The following PRKG1 variants were observed in gnomAD, a reference collection of about 807,000 sequenced individuals.
PRKG1 encodes the protein cGMP-dependent protein kinase 1.
PRKG1 carries 35 observed loss-of-function variants against 88.1 expected under a neutral mutation model. That is an observed-to-expected ratio of 0.40 (90% CI 0.30 to 0.53). PRKG1 has a LOEUF of 0.53. PRKG1 is among the 20% of genes least tolerant of loss of function. The probability of loss-of-function intolerance (pLI) is 0.59; values close to 1 mark genes in which losing one functional copy is unlikely to be tolerated. For missense variants in PRKG1, 540 were observed against 839.8 expected, an observed-to-expected ratio of 0.64 and a Z score of 4.41; for synonymous variants, 303 against 292.5, an observed-to-expected ratio of 1.04 and a Z score of -0.37.
At chr10:51,812,089 TA>T (rs1482994806) in intron 4 of PRKG1, among the ~76,000 whole-genome samples, 1 of 152,230 alleles carries the variant, frequency 6.6e-6, no homozygotes, top group African/African-American at 2.4e-5. Context: ...CTGTGAATTT[TA>T]AATCATTATA....
At chr10:51,043,566 C>T (rs543469114) in intron 1 of PRKG1, among the ~76,000 whole-genome samples, 3 of 152,202 alleles carry the variant, frequency 2.0e-5, no homozygotes, top group Non-Finnish European at 4.4e-5. Context: ...GGTCTGTCTC[C>T]TCATCAGACT....
intron 5 of PRKG1, among the ~76,000 whole-genome samples, chr10:51,934,232 G>T (rs1842755080): frequency 6.7e-6 from 1 of 149,996 alleles, no homozygotes; most frequent in African/African-American, 2.5e-5. Flanking sequence ...GTGTAGGGTT[G>T]TGTGCATGAT....
chr10:51,560,728 TA>T (rs1315047816), intron 3 of PRKG1, among the ~76,000 whole-genome samples: 1 of 152,032 alleles, frequency 6.6e-6, no homozygotes, highest in African/African-American at 2.4e-5. Context: ...TTCTCAGGTT[TA>T]AAATAAAGAC....
At chr10:51,016,673 C>CTTCTTTCTTTTTTTTTTTTTTT (rs1564571435) in intron 1 of PRKG1, among the ~76,000 whole-genome samples, 6 of 35,184 alleles carry the variant, frequency 1.7e-4, no homozygotes, top group African/African-American at 4.2e-4. Context: ...ATTATCCTTT[C>CTTCTTTCTTTTTTTTTTTTTTT]TTTTTTTTTT....
chr10:51,106,451 G>T (rs1844833574), intron 1 of PRKG1, among the ~76,000 whole-genome samples: 1 of 152,142 alleles, frequency 6.6e-6, no homozygotes, highest in Non-Finnish European at 1.5e-5. Flanking sequence ...GAAATTCCAA[G>T]AAACTCCCTA....
chr10:51,946,832 G>A (rs1843048989), intron 5 of PRKG1, among the ~76,000 whole-genome samples: 1 of 152,006 alleles, frequency 6.6e-6, no homozygotes, highest in Admixed American at 6.5e-5. Context: ...TTTTGTCTCA[G>A]AGGAGTACCC....
At chr10:51,620,702 T>G (rs1428527855) in intron 3 of PRKG1, among the ~76,000 whole-genome samples, 3 of 152,082 alleles carry the variant, frequency 2.0e-5, no homozygotes, top group Non-Finnish European at 2.9e-5. Flanking sequence ...AGCTAAGTTA[T>G]GTACAAGTCA....
intron 3 of PRKG1, among the ~76,000 whole-genome samples, chr10:51,590,997 T>C (rs1476982925): frequency 1.3e-5 from 2 of 152,212 alleles, no homozygotes; most frequent in African/African-American, 4.8e-5. Context: ...GGGAGTGTAC[T>C]GGACATTGAT....
rs555665207 is a variant in PRKG1, at chr10:51,992,753, G to A, written c.763-61731G>A. Among the ~76,000 whole-genome samples, 8 of 152,314 alleles carry A rather than the reference G, an allele frequency of 5.3e-5. No homozygotes were observed. The East Asian group carries it at 1.4e-3, about 26-fold the overall frequency. On this transcript the variant is annotated intron_variant, in intron 5 of 17. Coordinates refer to ENST00000373980, the MANE Select transcript of PRKG1 (RefSeq NM_006258.4). Reference sequence around the variant, plus strand: ...TGTGTATGTCTGCATATGTGTGCATGCAAATATATGCATATGTTATTTCTT... The same window carrying A: ...TGTGTATGTCTGCATATGTGTGCATACAAATATATGCATATGTTATTTCTT...
intron 5 of PRKG1, among the ~76,000 whole-genome samples, chr10:51,978,072 A>G (rs531690485): frequency 6.6e-6 from 1 of 152,138 alleles, no homozygotes; most frequent in Admixed American, 6.5e-5. Flanking sequence ...GGTATTGCCT[A>G]TGTCGTCTTC....
intron 5 of PRKG1, among the ~76,000 whole-genome samples, chr10:51,915,110 C>G (rs1842309447): frequency 6.6e-6 from 1 of 152,254 alleles, no homozygotes; most frequent in Admixed American, 6.5e-5. Flanking sequence ...TGCAGCTGTT[C>G]CTCAGTTTTA....
chr10:51,788,674 C>T (rs553127193), intron 3 of PRKG1, among the ~76,000 whole-genome samples: 18 of 152,226 alleles, frequency 1.2e-4, no homozygotes, highest in African/African-American at 4.3e-4. Context: ...TAGATAGAAA[C>T]ATTGTTTTCA....
At chr10:51,615,060 C>T (rs1325512417) in intron 3 of PRKG1, among the ~76,000 whole-genome samples, 2 of 90,712 alleles carry the variant, frequency 2.2e-5, no homozygotes, top group Admixed American at 2.4e-4. Context: ...TGAATATATC[C>T]ATCTTTGAAT....
intron 4 of PRKG1, among the ~76,000 whole-genome samples, chr10:51,840,696 A>ACCG (rs1407417188): frequency 6.6e-6 from 1 of 152,034 alleles, no homozygotes; most frequent in East Asian, 1.9e-4. Flanking sequence ...ACAGGTGTGC[A>ACCG]CCGCCATGCC....
chr10:52,075,670 A>G (rs1353696031), intron 7 of PRKG1, among the ~76,000 whole-genome samples: 2 of 152,202 alleles, frequency 1.3e-5, no homozygotes, highest in East Asian at 1.9e-4. Flanking sequence ...GGCTTAACCA[A>G]CAGAAATTTA....
At chr10:51,548,750 C>G (rs1842506042) in intron 3 of PRKG1, among the ~76,000 whole-genome samples, 1 of 152,080 alleles carries the variant, frequency 6.6e-6, no homozygotes, top group Non-Finnish European at 1.5e-5. Flanking sequence ...TGGCCTTAGA[C>G]TGATTTTAAC....
chr10:52,291,412 C>T (rs1173810850), intron 17 of PRKG1, among the ~76,000 whole-genome samples: 1 of 116,340 alleles, frequency 8.6e-6, no homozygotes, highest in Non-Finnish European at 1.7e-5. Context: ...CCCCTCCCCC[C>T]ACCCCACAAC....
At chr10:51,034,796 A>T (rs755164441) in intron 1 of PRKG1, among the ~76,000 whole-genome samples, 1 of 149,992 alleles carries the variant, frequency 6.7e-6, no homozygotes, top group African/African-American at 2.4e-5. Flanking sequence ...TTCTGTACCT[A>T]ATTTTTAGAA....
intron 7 of PRKG1, among the ~76,000 whole-genome samples, chr10:52,096,250 G>C (rs1318882606): frequency 1.3e-5 from 2 of 152,050 alleles, no homozygotes; most frequent in Non-Finnish European, 2.9e-5. Flanking sequence ...ATGTTTATAA[G>C]CGTTAAAACC....
Sources: gnomAD v4.1 joint callset for allele counts (sites outside exome capture counted in the v4.1 genomes callset) on GRCh38, gnomAD v4.1.1 for gene constraint, MANE v1.5 for transcripts, NCBI Gene and HGNC (gene_info 2026-07-23, HGNC 2026-07-21) for gene names.